Variants in CYP7B1 observed in about 807,000 individuals in gnomAD.
CYP7B1 encodes cytochrome P450 7B1.
A neutral mutation model predicts 42.7 loss-of-function variants in CYP7B1; 29 were observed. That is an observed-to-expected ratio of 0.68 (90% CI 0.51 to 0.93). The LOEUF is 0.93. Ranked by LOEUF, CYP7B1 falls within the 40% of genes least tolerant of loss-of-function variation. The pLI, the probability that CYP7B1 is intolerant of heterozygous loss-of-function variation, is 0.00. For missense variants in CYP7B1, 655 were observed against 600.5 expected, an observed-to-expected ratio of 1.09 and a Z score of -0.95; for synonymous variants, 235 against 218.2, an observed-to-expected ratio of 1.08 and a Z score of -0.68.
intron 1 of CYP7B1, among the ~76,000 whole-genome samples, chr8:64,695,896 G>A (rs747523408): frequency 6.6e-6 from 1 of 152,000 alleles, no homozygotes; most frequent in Non-Finnish European, 1.5e-5. Flanking sequence ...TGTGCAAAAT[G>A]TTTTCAAGTA....
intron 1 of CYP7B1, among the ~76,000 whole-genome samples, chr8:64,761,817 T>C (rs1807895370): frequency 6.6e-6 from 1 of 152,212 alleles, no homozygotes; most frequent in South Asian, 2.1e-4. Context: ...AGATTACCAT[T>C]TGGGTTTGTT....
At position 64,780,106 on chromosome 8, in the gene CYP7B1, C is replaced by A. The variant is rs1013706514; in HGVS notation, c.122+18360G>T. ...TATAAAATATTCACAATTAGGTAAG[C>A]ATTTGCTAATGAAATCTTCAGTTTT... On this transcript the variant is annotated intron_variant, in intron 1 of 5. Transcript: ENST00000310193. Among the ~76,000 whole-genome samples, 16 of 152,192 alleles carry A rather than the reference C, an allele frequency of 1.1e-4. No homozygotes were observed. The East Asian group carries it at 2.9e-3, about 28-fold the overall frequency.
intron 1 of CYP7B1, among the ~76,000 whole-genome samples, chr8:64,756,504 T>G (rs1180130306): frequency 1.3e-5 from 2 of 151,822 alleles, no homozygotes; most frequent in Non-Finnish European, 2.9e-5. Context: ...TATCAAAGAG[T>G]AGAGGAAAGG....
chr8:64,673,210 G>T (rs2129631741), intron 1 of CYP7B1, among the ~76,000 whole-genome samples: 1 of 152,112 alleles, frequency 6.6e-6, no homozygotes, highest in East Asian at 1.9e-4. Context: ...AGATAAATTG[G>T]CTTGGACAAT....
At chr8:64,755,505 G>C (rs893125522) in intron 1 of CYP7B1, among the ~76,000 whole-genome samples, 2 of 151,930 alleles carry the variant, frequency 1.3e-5, no homozygotes, top group Non-Finnish European at 2.9e-5. Flanking sequence ...TGCAACCTCC[G>C]CCTCCCAGGT....
intron 1 of CYP7B1, among the ~76,000 whole-genome samples, chr8:64,625,576 C>A (rs1039164394): frequency 2.6e-5 from 4 of 152,326 alleles, no homozygotes; most frequent in Admixed American, 2.0e-4. Flanking sequence ...TGATCAGTTT[C>A]ATCAATGAGA....
chr8:64,740,076 C>T (rs544312836), intron 1 of CYP7B1, among the ~76,000 whole-genome samples: 3 of 152,044 alleles, frequency 2.0e-5, no homozygotes, highest in South Asian at 4.2e-4. Flanking sequence ...AAACATGGAT[C>T]TATATAGAGA....
chr8:64,674,098 C>G (rs1806407489), intron 1 of CYP7B1, among the ~76,000 whole-genome samples: 1 of 151,970 alleles, frequency 6.6e-6, no homozygotes, highest in African/African-American at 2.4e-5. Flanking sequence ...GAATGATCGA[C>G]ACTAATGGGA....
At chr8:64,630,635 T>G (rs1805681711) in intron 1 of CYP7B1, among the ~76,000 whole-genome samples, 1 of 152,222 alleles carries the variant, frequency 6.6e-6, no homozygotes, top group Admixed American at 6.5e-5. Flanking sequence ...TCTTCATCCT[T>G]CAACACATCA....
chr8:64,732,624 G>A (rs1413527265), intron 1 of CYP7B1, among the ~76,000 whole-genome samples: 1 of 152,152 alleles, frequency 6.6e-6, no homozygotes, highest in Middle Eastern at 3.2e-3. Flanking sequence ...TTTGAAATGT[G>A]AGAAAGATGA....
chr8:64,658,587 A>G (rs1239017036), intron 1 of CYP7B1, among the ~76,000 whole-genome samples: 1 of 152,190 alleles, frequency 6.6e-6, no homozygotes, highest in Non-Finnish European at 1.5e-5. Context: ...TGCATTTTCA[A>G]TGTGAAATAT....
Position 64,596,119 on chromosome 8 carries a change from C to T in CYP7B1, c.*523G>A, listed in dbSNP as rs1805113430. 1 of 162,242 alleles carries T rather than the reference C, an allele frequency of 6.2e-6. No individual in the cohort carries two copies. The highest frequency in any genetic ancestry group is 2.4e-5 in the African/African-American group (1 of 41,580). The allele number at this position is 162,242 out of a possible 1,614,324, so 10.1% of individuals were successfully genotyped here. On this transcript the variant is annotated 3_prime_UTR_variant, in exon 6 of 6. Transcript: ENST00000310193. ...AATCTACTGTGAAACTCATTTAATG[C>T]ACACATACCCTGGAAATATAGGTAT...
At chr8:64,673,526 C>T (rs993676614) in intron 1 of CYP7B1, among the ~76,000 whole-genome samples, 8 of 152,124 alleles carry the variant, frequency 5.3e-5, no homozygotes, top group Non-Finnish European at 7.4e-5. Context: ...CAAATCTTAA[C>T]AATACATGTT....
At chr8:64,756,906 C>A (rs1255649218) in intron 1 of CYP7B1, among the ~76,000 whole-genome samples, 2 of 152,174 alleles carry the variant, frequency 1.3e-5, no homozygotes, top group African/African-American at 4.8e-5. Context: ...TTTGTGCTTA[C>A]CCAGACGGTT....
intron 1 of CYP7B1, among the ~76,000 whole-genome samples, chr8:64,651,476 A>T (rs982715699): frequency 6.6e-6 from 1 of 152,222 alleles, no homozygotes; most frequent in African/African-American, 2.4e-5. Context: ...TCCTGGTTTC[A>T]CCATCTACTC....
chr8:64,749,708 T>C (rs970959889), intron 1 of CYP7B1, among the ~76,000 whole-genome samples: 7 of 152,206 alleles, frequency 4.6e-5, no homozygotes, highest in Middle Eastern at 3.2e-3. Flanking sequence ...TAATTCCCTG[T>C]ATACGAGTTT....
chr8:64,760,299 A>G (rs770042020), intron 1 of CYP7B1, among the ~76,000 whole-genome samples: 3 of 152,104 alleles, frequency 2.0e-5, no homozygotes, highest in Non-Finnish European at 4.4e-5. Flanking sequence ...CATTGGTCTC[A>G]GCAATGATTT....
intron 1 of CYP7B1, among the ~76,000 whole-genome samples, chr8:64,775,607 C>T (rs927141327): frequency 2.6e-5 from 4 of 151,988 alleles, no homozygotes; most frequent in African/African-American, 4.8e-5. Context: ...ATATTAGTTG[C>T]TGACATACTG....
intron 1 of CYP7B1, among the ~76,000 whole-genome samples, chr8:64,642,262 A>T (rs958126628): frequency 4.7e-4 from 69 of 146,670 alleles, no homozygotes; most frequent in African/African-American, 1.4e-3. Context: ...TCTATTTTAA[A>T]TTTTTTTTTT....
Sources: allele counts gnomAD v4.1 joint callset (sites outside exome capture counted in the v4.1 genomes callset), GRCh38; gene constraint gnomAD v4.1.1; transcripts MANE v1.5; gene names NCBI Gene and HGNC (gene_info 2026-07-23, HGNC 2026-07-21).